The following CTNNA3 variants were observed in gnomAD, a reference collection of about 807,000 sequenced individuals.
CTNNA3 encodes the protein catenin alpha 3, also known as catenin alpha-3.
In CTNNA3, 76 loss-of-function variants were observed where a neutral mutation model predicts 95.7. That is an observed-to-expected ratio of 0.79 (90% confidence interval 0.66 to 0.96). The LOEUF (loss-of-function observed/expected upper bound fraction) is 0.96. Ranked by LOEUF, CTNNA3 falls within the 40% of genes least tolerant of loss-of-function variation. The pLI is 0.00. For synonymous variants in CTNNA3, 431 were observed against 374.4 expected (o/e 1.15, Z -1.74); for missense variants, 1,191 against 1,089.8 (o/e 1.09, Z -1.31).
At chr10:67,462,808 T>C (rs994614926) in intron 5 of CTNNA3, among the ~76,000 whole-genome samples, 1 of 152,218 alleles carries the variant, frequency 6.6e-6, no homozygotes, top group African/African-American at 2.4e-5. Context: ...GACCTAGGGA[T>C]TGTTATGGAA....
At chr10:67,003,747 TAGATTCTGGCCAGTTAACTGG>T (rs1477809651) in intron 7 of CTNNA3, among the ~76,000 whole-genome samples, 1 of 152,206 alleles carries the variant, frequency 6.6e-6, no homozygotes, top group Non-Finnish European at 1.5e-5. Context: ...AGAGACTAGT[TAGATTCTGGCCAGTTAACTGG>T]AGAAATCAAT....
chr10:67,702,556 T>TA (rs1173428400), intron 1 of CTNNA3, among the ~76,000 whole-genome samples: 1 of 152,090 alleles, frequency 6.6e-6, no homozygotes, highest in Non-Finnish European at 1.5e-5. Context: ...AAGGCAGAAA[T>TA]AAAGATGTTC....
chr10:66,864,430 G>GCA (rs1217580859), intron 7 of CTNNA3, among the ~76,000 whole-genome samples: 1 of 152,084 alleles, frequency 6.6e-6, no homozygotes. Flanking sequence ...TCAGAGGACA[G>GCA]CACCTTGATA....
intron 5 of CTNNA3, among the ~76,000 whole-genome samples, chr10:67,447,077 C>A (rs1453041216): frequency 2.0e-5 from 3 of 152,152 alleles, no homozygotes; most frequent in Non-Finnish European, 4.4e-5. Flanking sequence ...TGCACTCCAG[C>A]CTGGGTGACA....
intron 9 of CTNNA3, among the ~76,000 whole-genome samples, chr10:66,765,945 T>TA (rs1214308348): frequency 8.5e-5 from 13 of 152,276 alleles, no homozygotes; most frequent in African/African-American, 3.1e-4. Flanking sequence ...AGAGAAATAA[T>TA]AAAATAATAT....
intron 7 of CTNNA3, among the ~76,000 whole-genome samples, chr10:67,159,816 T>C (rs1861458559): frequency 1.3e-5 from 2 of 152,264 alleles, no homozygotes; most frequent in South Asian, 4.1e-4. Flanking sequence ...TTGGCAATAA[T>C]TTCTTGGGTA....
At chr10:67,620,923 G>GTGTGTATATA (rs1402402526) in intron 2 of CTNNA3, among the ~76,000 whole-genome samples, 56 of 123,838 alleles carry the variant, frequency 4.5e-4, no homozygotes, top group East Asian at 1.1e-3. Flanking sequence ...GTGTGTGTGT[G>GTGTGTATATA]TATATATATA....
chr10:67,283,362 T>C (rs1278794808), intron 5 of CTNNA3, among the ~76,000 whole-genome samples: 1 of 152,002 alleles, frequency 6.6e-6, no homozygotes, highest in Admixed American at 6.6e-5. Context: ...ATCTCAGGAG[T>C]TGGGTGAGTG....
chr10:66,124,088 G>A (rs10996917), intron 13 of CTNNA3, among the ~76,000 whole-genome samples: 25,748 of 152,034 alleles, frequency 0.17, 2,626 homozygotes, highest in South Asian at 0.38. Flanking sequence ...CTTTTCTATC[G>A]CATTGTCAGG....
intron 13 of CTNNA3, among the ~76,000 whole-genome samples, chr10:66,152,789 C>T (rs1397803346): frequency 6.6e-6 from 1 of 151,890 alleles, no homozygotes; most frequent in East Asian, 1.9e-4. Flanking sequence ...TTCTAAAGTG[C>T]CCTACTGAAA....
chr10:67,648,504 G>A (rs898370921), intron 1 of CTNNA3, among the ~76,000 whole-genome samples: 1 of 152,116 alleles, frequency 6.6e-6, no homozygotes, highest in African/African-American at 2.4e-5. Context: ...CTTCAAACCT[G>A]CCAAGTGTGT....
chr10:66,829,729 C>G (rs1336784991), intron 7 of CTNNA3, among the ~76,000 whole-genome samples: 1 of 151,226 alleles, frequency 6.6e-6, no homozygotes, highest in South Asian at 2.1e-4. Context: ...TTTCATGAAC[C>G]ACACTTTGGG....
At chr10:66,373,211 T>G (rs1311841292) in intron 12 of CTNNA3, among the ~76,000 whole-genome samples, 1 of 152,162 alleles carries the variant, frequency 6.6e-6, no homozygotes, top group East Asian at 1.9e-4. Context: ...TTTTATAGCA[T>G]TTTCTTTTTT....
intron 7 of CTNNA3, among the ~76,000 whole-genome samples, chr10:66,943,567 A>C (rs1001761471): frequency 1.3e-5 from 2 of 151,170 alleles, no homozygotes; most frequent in Admixed American, 1.3e-4. Flanking sequence ...AACACTAAGC[A>C]CAGCCTTAAG....
intron 12 of CTNNA3, among the ~76,000 whole-genome samples, chr10:66,332,133 A>G (rs1180368964): frequency 6.6e-6 from 1 of 152,044 alleles, no homozygotes; most frequent in Non-Finnish European, 1.5e-5. Context: ...TATCAGCTTA[A>G]GGAGATTGTG....
chr10:66,776,281 T>C (rs578146140), intron 7 of CTNNA3, among the ~76,000 whole-genome samples: 3 of 152,204 alleles, frequency 2.0e-5, no homozygotes, highest in African/African-American at 7.2e-5. Flanking sequence ...ATTGGAAAAA[T>C]CATTATGTGA....
chr10:67,631,100 T>A (rs1375937084), intron 2 of CTNNA3, among the ~76,000 whole-genome samples: 1 of 152,180 alleles, frequency 6.6e-6, no homozygotes, highest in African/African-American at 2.4e-5. Context: ...ATCTTGAAAG[T>A]GATAAAGTGC....
chr10:67,409,227 A>G (rs1006135226), intron 5 of CTNNA3, among the ~76,000 whole-genome samples: 1 of 152,168 alleles, frequency 6.6e-6, no homozygotes, highest in African/African-American at 2.4e-5. Context: ...CAGCAATCCC[A>G]TTACTGGTTA....
intron 1 of CTNNA3, among the ~76,000 whole-genome samples, chr10:67,658,892 G>A (rs1840100985): frequency 6.6e-6 from 1 of 152,092 alleles, no homozygotes; most frequent in Non-Finnish European, 1.5e-5. Context: ...TTGAGTATTT[G>A]AAGTTCTCTT....
Sources: gnomAD v4.1 joint callset for allele counts (sites outside exome capture counted in the v4.1 genomes callset) on GRCh38, gnomAD v4.1.1 for gene constraint, MANE v1.5 for transcripts, NCBI Gene and HGNC (gene_info 2026-07-23, HGNC 2026-07-21) for gene names.